Variants in ATRNL1 observed in about 807,000 individuals in gnomAD.
The protein encoded by ATRNL1 is attractin like 1, also known as attractin-like protein 1.
A neutral mutation model predicts 182.7 loss-of-function variants in ATRNL1; 95 were observed. The ratio of observed to expected loss-of-function variants is 0.52; its 90% CI spans 0.44 to 0.62. The LOEUF (loss-of-function observed/expected upper bound fraction) is 0.62. ATRNL1 is among the 20% of genes least tolerant of loss of function. The probability of loss-of-function intolerance (pLI) is 0.00; values close to 1 mark genes in which losing one functional copy is unlikely to be tolerated. For missense variants in ATRNL1, 1,471 were observed against 1,679.5 expected (o/e 0.88, Z 2.17); for synonymous variants, 576 against 568.3 (o/e 1.01, Z -0.19).
intron 26 of ATRNL1, among the ~76,000 whole-genome samples, chr10:115,666,135 A>G (rs1263315858): frequency 2.6e-5 from 4 of 152,204 alleles, no homozygotes; most frequent in African/African-American, 9.6e-5. Flanking sequence ...TTCACTGACA[A>G]AAATATAGAT....
intron 12 of ATRNL1, 24 bp from the exon 13 acceptor site, chr10:115,268,302 T>C: frequency 3.0e-6 from 4 of 1,340,454 alleles, no homozygotes; most frequent in Non-Finnish European, 4.3e-6. Flanking sequence ...CGTGCTGATA[T>C]ATCGTCCCCC....
Position 115,093,987 on chromosome 10 carries a change from CCT to C in ATRNL1, c.240_241del (p.Cys81ArgfsTer31). 6.3e-7 allele frequency: 1 copy of C among 1,584,316 alleles called. No homozygotes were observed. Among genetic ancestry groups the C allele is most frequent in the Non-Finnish European group, 8.6e-7 (1 of 1,166,936 alleles). Reference protein sequence around the residue: ...FSGRCVNSTCLCDPGWVGDQC... With the variant: ...FSGRCVNSTCXCDPGWVGDQC... Reference sequence around the variant, plus strand: ...CGGGCCGCTGTGTCAACTCCACCTGCCTCTGCGACCCGGGCTGGGTGGGGGAC... The same window carrying C: ...CGGGCCGCTGTGTCAACTCCACCTGCCTGCGACCCGGGCTGGGTGGGGGAC... On this transcript the variant is annotated frameshift_variant, in exon 1 of 29. Coordinates refer to ENST00000355044, the MANE Select transcript of ATRNL1 (RefSeq NM_207303.4). LOFTEE classifies it high-confidence loss of function. This position sits in a 1 kb window ranked among gnomAD's most constrained non-coding sequence, Gnocchi z 6.1.
chr10:115,829,724 G>A (rs1396653107), intron 27 of ATRNL1, among the ~76,000 whole-genome samples: 1 of 151,894 alleles, frequency 6.6e-6, no homozygotes, highest in Non-Finnish European at 1.5e-5. Context: ...TTTCCTTTAT[G>A]GTTTTGGAGA....
chr10:115,167,980 AC>A lies in ATRNL1; in HGVS notation c.1092+2339del, dbSNP rs1348274965. ...AGAAACTTTGTATCCTTTCGGTATC[AC>A]CCCACACTTCCTCGTCTTCCCTAGC... On this transcript the variant is annotated intron_variant, in intron 7 of 28. Coordinates refer to ENST00000355044, the MANE Select transcript of ATRNL1 (RefSeq NM_207303.4). Among the ~76,000 whole-genome samples the A allele has an allele frequency of 2.6e-5, 4 of 152,164 alleles. No homozygotes were observed. The East Asian group carries it at 7.7e-4, about 29-fold the overall frequency.
At chr10:115,601,054 A>G (rs1028984912) in intron 26 of ATRNL1, among the ~76,000 whole-genome samples, 3 of 151,456 alleles carry the variant, frequency 2.0e-5, no homozygotes, top group African/African-American at 7.3e-5. Flanking sequence ...AGCATCTCAC[A>G]ATTTTGATAT....
intron 26 of ATRNL1, among the ~76,000 whole-genome samples, chr10:115,709,537 G>A (rs1219917557): frequency 1.3e-5 from 2 of 151,718 alleles, no homozygotes; most frequent in Non-Finnish European, 2.9e-5. Flanking sequence ...GGAAAAGGCA[G>A]GGCAGGAAAA....
At chr10:115,869,318 T>A (rs1951521572) in intron 28 of ATRNL1, among the ~76,000 whole-genome samples, 2 of 152,140 alleles carry the variant, frequency 1.3e-5, no homozygotes, top group Admixed American at 1.3e-4. Flanking sequence ...CCAGAGCAAT[T>A]TGCATAAAAA....
At chr10:115,535,228 G>A (rs1368549040) in intron 25 of ATRNL1, among the ~76,000 whole-genome samples, 11 of 152,070 alleles carry the variant, frequency 7.2e-5, no homozygotes, top group Admixed American at 4.6e-4. Flanking sequence ...CATTCTCCCC[G>A]TCACTTTCAG....
At chr10:115,532,632 A>G (rs879993330) in intron 25 of ATRNL1, among the ~76,000 whole-genome samples, 263 of 150,506 alleles carry the variant, frequency 1.7e-3, no homozygotes, top group Non-Finnish European at 3.0e-3. Context: ...TCTCCTGCCT[A>G]ATTGCCCTGG....
At chr10:115,205,917 C>A (rs1033246209) in intron 8 of ATRNL1, among the ~76,000 whole-genome samples, 4 of 152,058 alleles carry the variant, frequency 2.6e-5, no homozygotes, top group African/African-American at 9.7e-5. Context: ...TTTACCATAT[C>A]TATTGTTATT....
At chr10:115,900,914 T>C (rs1555113429) in intron 28 of ATRNL1, among the ~76,000 whole-genome samples, 1 of 152,220 alleles carries the variant, frequency 6.6e-6, no homozygotes, top group Admixed American at 6.5e-5. Context: ...AGTAAATATG[T>C]GAATAGTAGT....
intron 27 of ATRNL1, among the ~76,000 whole-genome samples, chr10:115,836,693 C>G (rs1296180664): frequency 6.6e-6 from 1 of 152,174 alleles, no homozygotes; most frequent in East Asian, 1.9e-4. Context: ...AGTATGACCT[C>G]TCACCTAATC....
intron 27 of ATRNL1, among the ~76,000 whole-genome samples, chr10:115,837,819 C>T (rs1950714669): frequency 1.3e-5 from 2 of 152,128 alleles, no homozygotes; most frequent in African/African-American, 2.4e-5. Context: ...GATGTGTAAG[C>T]CTCCTTTATT....
intron 18 of ATRNL1, among the ~76,000 whole-genome samples, chr10:115,326,287 A>C (rs1854876639): frequency 6.6e-6 from 1 of 152,156 alleles, no homozygotes. Context: ...TTATACACCA[A>C]TAACAGACAA....
At chr10:115,592,294 G>T (rs1855956565) in intron 26 of ATRNL1, among the ~76,000 whole-genome samples, 1 of 152,120 alleles carries the variant, frequency 6.6e-6, no homozygotes. Flanking sequence ...TAACAATCCT[G>T]CACGTGTACC....
chr10:115,195,591 C>G (rs191528868), intron 8 of ATRNL1, among the ~76,000 whole-genome samples: 2 of 152,166 alleles, frequency 1.3e-5, no homozygotes, highest in East Asian at 3.9e-4. Context: ...GGTATATACT[C>G]AAATAAGTAT....
At chr10:115,653,243 C>T (rs781949238) in intron 26 of ATRNL1, among the ~76,000 whole-genome samples, 2 of 152,158 alleles carry the variant, frequency 1.3e-5, no homozygotes, top group Non-Finnish European at 2.9e-5. Context: ...TAGCTATGCA[C>T]ATGTAAGTTT....
intron 27 of ATRNL1, among the ~76,000 whole-genome samples, chr10:115,728,000 G>A (rs1323238130): frequency 6.6e-6 from 1 of 151,282 alleles, no homozygotes; most frequent in East Asian, 1.9e-4. Flanking sequence ...ATTCGGCCGG[G>A]CGCGGTGGCT....
chr10:115,132,094 C>T (rs184377108), intron 5 of ATRNL1, among the ~76,000 whole-genome samples: 125 of 150,962 alleles, frequency 8.3e-4, no homozygotes, highest in Admixed American at 2.4e-3. Context: ...CCACACCCCA[C>T]AACAGGCCCC....
Sources: gnomAD v4.1 joint callset for allele counts (sites outside exome capture counted in the v4.1 genomes callset) on GRCh38, gnomAD v4.1.1 for gene constraint, Gnocchi (gnomAD v3.1) non-coding constraint, MANE v1.5 for transcripts, NCBI Gene and HGNC (gene_info 2026-07-23, HGNC 2026-07-21) for gene names.